SHISA6: variants seen among roughly 807,000 people sequenced by gnomAD.
SHISA6 encodes protein shisa-6.
A neutral mutation model predicts 47.9 loss-of-function variants in SHISA6; 22 were observed. The observed-to-expected ratio is 0.46, with a 90% CI of 0.33 to 0.66. The LOEUF (loss-of-function observed/expected upper bound fraction) is 0.66, where lower values mean the gene tolerates loss of function less well. Ranked by LOEUF, SHISA6 falls within the 30% of genes least tolerant of loss-of-function variation. The pLI, the probability that SHISA6 is intolerant of heterozygous loss-of-function variation, is 0.02. For missense variants in SHISA6, 680 were observed against 764.6 expected (o/e 0.89, Z 1.30); for synonymous variants, 388 against 337.8 (o/e 1.15, Z -1.63).
At chr17:11,315,103 CT>C in intron 2 of SHISA6, among the ~76,000 whole-genome samples, 1 of 152,250 alleles carries the variant, frequency 6.6e-6, no homozygotes, top group South Asian at 2.1e-4. Context: ...AGAAATATGT[CT>C]TTTCAGTTGT....
At chr17:11,457,740 CA>C (rs56835775) in intron 3 of SHISA6, among the ~76,000 whole-genome samples, 29,475 of 101,628 alleles carry the variant, frequency 0.29, 3,207 homozygotes, top group Middle Eastern at 0.42. Flanking sequence ...GACTCAGTCT[CA>C]AAAAAAAAAA....
At chr17:11,502,112 G>A (rs2071458448) in intron 3 of SHISA6, among the ~76,000 whole-genome samples, 1 of 152,126 alleles carries the variant, frequency 6.6e-6, no homozygotes, top group Non-Finnish European at 1.5e-5. Flanking sequence ...ATTGCAGAGG[G>A]TTAAGACTAA....
intron 2 of SHISA6, among the ~76,000 whole-genome samples, chr17:11,336,480 A>G (rs1192557689): frequency 6.6e-6 from 1 of 152,110 alleles, no homozygotes; most frequent in African/African-American, 2.4e-5. Flanking sequence ...AGAGACCCCA[A>G]TATTGGGCTC....
chr17:11,387,017 C>T (rs1181683314), intron 3 of SHISA6, among the ~76,000 whole-genome samples: 5 of 152,208 alleles, frequency 3.3e-5, no homozygotes, highest in Admixed American at 3.3e-4. Context: ...CGATAACCTG[C>T]AGAACCCAGA....
At chr17:11,381,224 A>C (rs1912996018) in intron 3 of SHISA6, among the ~76,000 whole-genome samples, 3 of 151,802 alleles carry the variant, frequency 2.0e-5, no homozygotes, top group Non-Finnish European at 4.4e-5. Context: ...CCTACCCCTT[A>C]CTCTTATAGG....
At chr17:11,442,725 GA>G (rs1286657330) in intron 3 of SHISA6, among the ~76,000 whole-genome samples, 1 of 152,146 alleles carries the variant, frequency 6.6e-6, no homozygotes, top group African/African-American at 2.4e-5. Context: ...TGCTCCTATA[GA>G]TAAAGCTCTC....
intron 2 of SHISA6, among the ~76,000 whole-genome samples, chr17:11,331,077 A>G (rs1260066884): frequency 1.3e-5 from 2 of 152,208 alleles, no homozygotes; most frequent in Non-Finnish European, 2.9e-5. Flanking sequence ...AGATTCCCCC[A>G]TCTGGGAGCC....
chr17:11,454,289 G>A (rs945764927), intron 3 of SHISA6, among the ~76,000 whole-genome samples: 7 of 152,062 alleles, frequency 4.6e-5, no homozygotes, highest in African/African-American at 1.2e-4. Context: ...GTGAGTCACC[G>A]TTATCTCTCG....
Position 11,274,125 on chromosome 17 carries a change from G to A in SHISA6, c.799+10599G>A, listed in dbSNP as rs144889076. ...TAGGGCTTCGTCCTGCCTGGTGGCT[G>A]CACAGGCTTGGCCAGAAAGGACCCA... is the stretch of plus-strand genomic sequence containing the variant. On this transcript the variant is annotated intron_variant, in intron 2 of 5. Coordinates refer to ENST00000441885, the MANE Select transcript of SHISA6 (RefSeq NM_207386.4). Among the ~76,000 whole-genome samples the A allele has an allele frequency of 1.3e-4, 20 of 152,272 alleles. No individual in the cohort carries two copies. The East Asian group carries it at 3.9e-3, about 30-fold the overall frequency.
chr17:11,337,141 C>T (rs114571054), intron 2 of SHISA6, among the ~76,000 whole-genome samples: 75 of 152,284 alleles, frequency 4.9e-4, no homozygotes, highest in African/African-American at 1.6e-3. Flanking sequence ...GTTTTCCCAA[C>T]AGCAGAGTCT....
intron 3 of SHISA6, among the ~76,000 whole-genome samples, chr17:11,532,959 T>G (rs2071749801): frequency 6.6e-6 from 1 of 152,110 alleles, no homozygotes. Flanking sequence ...CCCAGAGAAC[T>G]TCTCAGGGAT....
chr17:11,533,499 C>T lies in SHISA6; in HGVS notation c.896-18397C>T, dbSNP rs577350213. ...TTCTTTCTGTGAAAGAAGTCACCTCCCCTGGCCTCTCTCCCCACCGTCCAA... is the reference window on the plus strand; with the variant it reads ...TTCTTTCTGTGAAAGAAGTCACCTCTCCTGGCCTCTCTCCCCACCGTCCAA... On this transcript the variant is annotated intron_variant, in intron 3 of 5. Transcript: ENST00000441885. Among the ~76,000 whole-genome samples, 19 of 152,166 alleles carry T rather than the reference C, an allele frequency of 1.2e-4. No individual in the cohort carries two copies. The East Asian group carries it at 3.5e-3, about 28-fold the overall frequency.
In SHISA6 at chr17:11,398,279, A is replaced by G. The variant is rs926040421; in HGVS notation, c.895+18770A>G. Among the ~76,000 whole-genome samples, 4 of 152,290 alleles carry G rather than the reference A, an allele frequency of 2.6e-5. No individual in the cohort carries two copies. The East Asian group carries it at 5.8e-4, about 22-fold the overall frequency. ...GTATTTTAAAAAGGCATCCTCTTCTATTAGTACAAAAAATACAATTTTATT... is the reference window on the plus strand; with the variant it reads ...GTATTTTAAAAAGGCATCCTCTTCTGTTAGTACAAAAAATACAATTTTATT... On this transcript the variant is annotated intron_variant, in intron 3 of 5. Transcript: ENST00000441885.
chr17:11,552,960 C>T (rs1399803582), intron 4 of SHISA6, among the ~76,000 whole-genome samples: 2 of 152,240 alleles, frequency 1.3e-5, no homozygotes, highest in African/African-American at 4.8e-5. Context: ...GATATGAAAC[C>T]TTTTGAAGAA....
intron 2 of SHISA6, among the ~76,000 whole-genome samples, chr17:11,319,224 C>A (rs9893272): frequency 0.74 from 111,741 of 151,788 alleles, 41,291 homozygotes; most frequent in Middle Eastern, 0.77. Context: ...GATTACAGGC[C>A]TGTGCCACCA....
chr17:11,292,931 T>G (rs1226489386), intron 2 of SHISA6, among the ~76,000 whole-genome samples: 1 of 151,522 alleles, frequency 6.6e-6, no homozygotes, highest in Non-Finnish European at 1.5e-5. Context: ...TTCAAGCGAT[T>G]CTCCTGCCTC....
chr17:11,451,047 C>T (rs1915385487), intron 3 of SHISA6, among the ~76,000 whole-genome samples: 2 of 149,584 alleles, frequency 1.3e-5, no homozygotes, highest in African/African-American at 4.9e-5. Context: ...ATGAGGCTCA[C>T]TATGTGTGAC....
chr17:11,440,542 C>T (rs1269881616), intron 3 of SHISA6, among the ~76,000 whole-genome samples: 1 of 151,102 alleles, frequency 6.6e-6, no homozygotes, highest in African/African-American at 2.4e-5. Context: ...AGGGCTAACT[C>T]TTAGTCTATC....
chr17:11,510,495 A>G (rs189718857), intron 3 of SHISA6, among the ~76,000 whole-genome samples: 1 of 152,306 alleles, frequency 6.6e-6, no homozygotes, highest in African/African-American at 2.4e-5. Flanking sequence ...CACATTAAAG[A>G]AAATATCCAC....
Sources: gnomAD v4.1 joint callset for allele counts (sites outside exome capture counted in the v4.1 genomes callset) on GRCh38, gnomAD v4.1.1 for gene constraint, MANE v1.5 for transcripts, NCBI Gene and HGNC (gene_info 2026-07-23, HGNC 2026-07-21) for gene names.